The following EYS variants were observed in gnomAD, a reference collection of about 807,000 sequenced individuals.
EYS encodes protein eyes shut homolog.
In EYS, 250 loss-of-function variants were observed where a neutral mutation model predicts 282.1. The observed-to-expected ratio is 0.89, with a 90% CI of 0.80 to 0.98. The LOEUF (loss-of-function observed/expected upper bound fraction) is 0.98. Ranked by LOEUF, EYS falls within the 50% of genes least tolerant of loss-of-function variation. EYS has a pLI of 0.00. For synonymous variants in EYS, 1,355 were observed against 1,282.9 expected (o/e 1.06, Z -1.20); for missense variants, 4,016 against 3,709.0 (o/e 1.08, Z -2.15).
intron 12 of EYS, among the ~76,000 whole-genome samples, chr6:65,183,158 T>A (rs987259908): frequency 2.0e-5 from 3 of 151,992 alleles, no homozygotes; most frequent in African/African-American, 7.2e-5. Context: ...AATTTTTAAA[T>A]GTTGAGAAAT....
At position 65,019,466 on chromosome 6, in the gene EYS, G is replaced by A. The variant is rs140472982; in HGVS notation, c.2138-21763C>T. Among the ~76,000 whole-genome samples the A allele has an allele frequency of 4.1e-3, 623 of 152,180 alleles. 3 individuals carry two copies. The highest frequency in any genetic ancestry group is 0.028 in the Admixed American group (431 of 15,274). ...CCTTGCTTGATCCTTAAGTAGACACGTGATCTTAGGCATATGACATTTCCA... is the reference window on the plus strand; with the variant it reads ...CCTTGCTTGATCCTTAAGTAGACACATGATCTTAGGCATATGACATTTCCA... On this transcript the variant is annotated intron_variant, in intron 13 of 42. Transcript: ENST00000503581.
intron 35 of EYS, among the ~76,000 whole-genome samples, chr6:63,927,406 G>T (rs902647099): frequency 6.6e-6 from 1 of 152,176 alleles, no homozygotes; most frequent in Middle Eastern, 3.2e-3. Context: ...ACACTTGACA[G>T]ACTTTGAAGA....
intron 5 of EYS, among the ~76,000 whole-genome samples, chr6:65,440,509 A>G (rs1031612386): frequency 6.6e-6 from 1 of 151,884 alleles, no homozygotes; most frequent in African/African-American, 2.4e-5. Flanking sequence ...CAAGAAAAAA[A>G]TCCCAGAGAA....
chr6:65,179,359 A>G (rs1042281756), intron 12 of EYS, among the ~76,000 whole-genome samples: 3 of 152,160 alleles, frequency 2.0e-5, no homozygotes, highest in Non-Finnish European at 2.9e-5. Flanking sequence ...TAGATGTAAT[A>G]AAAAATGATA....
chr6:65,139,656 A>G (rs1296426354), intron 12 of EYS, among the ~76,000 whole-genome samples: 1 of 152,026 alleles, frequency 6.6e-6, no homozygotes, highest in Non-Finnish European at 1.5e-5. Context: ...CTAGACTTCT[A>G]CCCATGCCCA....
chr6:64,739,243 T>C (rs990007309), intron 22 of EYS, among the ~76,000 whole-genome samples: 2 of 152,328 alleles, frequency 1.3e-5, no homozygotes, highest in Admixed American at 6.5e-5. Flanking sequence ...TTTTGAAAAC[T>C]AAAACTATTC....
At chr6:65,424,876 T>A (rs9342475) in intron 5 of EYS, among the ~76,000 whole-genome samples, 30,108 of 151,958 alleles carry the variant, frequency 0.2, 3,741 homozygotes, top group Non-Finnish European at 0.26. Context: ...CAAGTGCATA[T>A]GAACTATTAC....
intron 31 of EYS, among the ~76,000 whole-genome samples, chr6:64,189,143 T>A (rs150132571): frequency 2.0e-5 from 2 of 98,018 alleles, no homozygotes; most frequent in African/African-American, 5.7e-5. Context: ...ATAGCTGTCA[T>A]CAGCACCAGT....
At chr6:65,446,023 A>G (rs1439505306) in intron 5 of EYS, among the ~76,000 whole-genome samples, 3 of 151,904 alleles carry the variant, frequency 2.0e-5, no homozygotes, top group South Asian at 4.1e-4. Flanking sequence ...TATAAATAAC[A>G]TGGTTTTAAC....
At chr6:64,588,823 T>C (rs1766310550) in intron 26 of EYS, among the ~76,000 whole-genome samples, 1 of 151,812 alleles carries the variant, frequency 6.6e-6, no homozygotes, top group African/African-American at 2.4e-5. Flanking sequence ...TGATTTATTA[T>C]AATGACTAAA....
intron 35 of EYS, among the ~76,000 whole-genome samples, chr6:63,888,620 A>G (rs1423071110): frequency 6.6e-6 from 1 of 152,246 alleles, no homozygotes; most frequent in Non-Finnish European, 1.5e-5. Context: ...TGACCATGCA[A>G]AAACTCCATC....
intron 12 of EYS, among the ~76,000 whole-genome samples, chr6:65,058,207 G>T (rs1014209656): frequency 1.3e-5 from 2 of 152,102 alleles, no homozygotes; most frequent in African/African-American, 4.8e-5. Context: ...CTGTAGTGCA[G>T]TGGTGCGATC....
chr6:64,573,992 G>C (rs762074741), intron 26 of EYS, among the ~76,000 whole-genome samples: 1 of 151,894 alleles, frequency 6.6e-6, no homozygotes, highest in Non-Finnish European at 1.5e-5. Flanking sequence ...TTTATTGCAG[G>C]ACTATTCACA....
intron 26 of EYS, among the ~76,000 whole-genome samples, chr6:64,580,977 T>C (rs2149824224): frequency 6.6e-6 from 1 of 152,132 alleles, no homozygotes; most frequent in South Asian, 2.1e-4. Flanking sequence ...GGGAGAGAGA[T>C]GAAGATTTTT....
At chr6:64,014,285 G>A (rs1190771844) in intron 33 of EYS, among the ~76,000 whole-genome samples, 1 of 151,792 alleles carries the variant, frequency 6.6e-6, no homozygotes, top group Non-Finnish European at 1.5e-5. Flanking sequence ...AAGGCCATGT[G>A]TGTCCCTGCC....
chr6:65,147,678 G>A (rs1368477793), intron 12 of EYS, among the ~76,000 whole-genome samples: 3 of 151,934 alleles, frequency 2.0e-5, no homozygotes, highest in African/African-American at 7.3e-5. Context: ...AACATAGATA[G>A]GTTTTGCTTC....
intron 2 of EYS, among the ~76,000 whole-genome samples, chr6:65,512,040 G>A (rs1319652723): frequency 6.8e-6 from 1 of 146,012 alleles, no homozygotes; most frequent in Non-Finnish European, 1.5e-5. Flanking sequence ...ACTTGTATAT[G>A]ATAAATTGAA....
chr6:64,642,812 C>G (rs1299893855), intron 22 of EYS, among the ~76,000 whole-genome samples: 1 of 152,214 alleles, frequency 6.6e-6, no homozygotes, highest in Non-Finnish European at 1.5e-5. Context: ...TGCACCCCTT[C>G]CTTTATTAAT....
At chr6:65,250,453 C>T (rs1034053674) in intron 12 of EYS, among the ~76,000 whole-genome samples, 110 of 152,016 alleles carry the variant, frequency 7.2e-4, no homozygotes, top group Middle Eastern at 3.4e-3. Flanking sequence ...AACCACTGAT[C>T]TTTTATGGAT....
Sources: gnomAD v4.1 joint callset for allele counts (sites outside exome capture counted in the v4.1 genomes callset) on GRCh38, gnomAD v4.1.1 for gene constraint, MANE v1.5 for transcripts, NCBI Gene and HGNC (gene_info 2026-07-23, HGNC 2026-07-21) for gene names.